Variants in DICER1 observed in about 807,000 individuals in gnomAD.
The protein encoded by DICER1 is dicer 1, ribonuclease III.
DICER1 carries 43 observed loss-of-function variants against 194.1 expected under a neutral mutation model. That is an observed-to-expected ratio of 0.22 (90% CI 0.17 to 0.29). DICER1 has a LOEUF of 0.29. Among genes scored for constraint, DICER1 ranks in the 10% least tolerant of loss-of-function variants. The pLI is 1.00. For missense variants in DICER1, 1,608 were observed against 2,317.0 expected, an observed-to-expected ratio of 0.69 and a Z score of 6.28; for synonymous variants, 832 against 820.5, an observed-to-expected ratio of 1.01 and a Z score of -0.24.
intron 3 of DICER1, among the ~76,000 whole-genome samples, chr14:95,131,937 A>G (rs1471603569): frequency 1.3e-5 from 2 of 152,204 alleles, no homozygotes; most frequent in African/African-American, 4.8e-5. Context: ...AATCAGATGG[A>G]AACAAGACAG....
chr14:95,117,802 T>G (rs1053991546), intron 8 of DICER1, 48 bp from the exon 9 acceptor site: 2 of 1,593,340 alleles, frequency 1.3e-6, no homozygotes, highest in Non-Finnish European at 1.7e-6. Context: ...TGAAAGAAAA[T>G]AAACTTTTGT....
At chr14:95,094,936 AC>A (rs1238979393) in intron 23 of DICER1, among the ~76,000 whole-genome samples, 1 of 152,208 alleles carries the variant, frequency 6.6e-6, no homozygotes, top group African/African-American at 2.4e-5. Flanking sequence ...CTAGGCGAGA[AC>A]CCAGGTCTCG....
At chr14:95,110,666 TTGGGG>T (rs1891877739) in intron 14 of DICER1, among the ~76,000 whole-genome samples, 1 of 152,190 alleles carries the variant, frequency 6.6e-6, no homozygotes, top group Non-Finnish European at 1.5e-5. Context: ...CTGCTTTTGC[TTGGGG>T]TTCTTATGAG....
At chr14:95,131,799 T>A (rs935101849) in intron 3 of DICER1, among the ~76,000 whole-genome samples, 160 bp from the exon 4 acceptor site, 2 of 152,188 alleles carry the variant, frequency 1.3e-5, no homozygotes, top group Admixed American at 1.3e-4. Context: ...TCCAAGGTTA[T>A]CCTCCAAAAA....
At chr14:95,098,649 G>A (rs1266990659) in intron 22 of DICER1, among the ~76,000 whole-genome samples, 1 of 152,142 alleles carries the variant, frequency 6.6e-6, no homozygotes, top group Non-Finnish European at 1.5e-5. Flanking sequence ...AAAGGAGGAT[G>A]ACTGTTACTG....
chr14:95,099,576 A>G (rs1890669788), intron 22 of DICER1, among the ~76,000 whole-genome samples: 1 of 152,214 alleles, frequency 6.6e-6, no homozygotes, highest in Non-Finnish European at 1.5e-5. Flanking sequence ...CATCAAAATT[A>G]TAATACTATT....
At position 95,126,621 on chromosome 14, in the gene DICER1, C is replaced by T. The variant is rs1555375302; in HGVS notation, c.862G>A (p.Val288Ile). 2.6e-6 allele frequency: 4 copies of T among 1,555,674 alleles called. No homozygotes were observed. The highest frequency in any genetic ancestry group is 3.5e-6 in the Non-Finnish European group (4 of 1,127,182). Residue 288 changes from valine to isoleucine, a missense_variant, in exon 7 of 27, where the codon GTA (valine) becomes ATA (isoleucine). This residue lies in a region of DICER1 where 657 missense variants were observed against 910.1 expected (regional missense o/e 0.72). Transcript: ENST00000343455. ...GTAGAATCTCTTTCTTTTGAATGTA[C>T]AGATATATTACAATCATTGATAAAA... ...LNFINDCNIS[V>I]HSKERDSTLI...
At chr14:95,122,263 T>C (rs190413249) in intron 8 of DICER1, among the ~76,000 whole-genome samples, 63 of 152,266 alleles carry the variant, frequency 4.1e-4, no homozygotes, top group Admixed American at 6.5e-4. Context: ...TGGCACATCT[T>C]TACCTAAAAA....
intron 21 of DICER1, among the ~76,000 whole-genome samples, chr14:95,100,432 A>G (rs746582655): frequency 1.4e-4 from 21 of 152,268 alleles, no homozygotes; most frequent in Non-Finnish European, 2.5e-4. Flanking sequence ...TTATATTCCT[A>G]GAATCGAAGC....
At chr14:95,123,987 A>G (rs1390478393) in intron 8 of DICER1, among the ~76,000 whole-genome samples, 1 of 152,174 alleles carries the variant, frequency 6.6e-6, no homozygotes, top group African/African-American at 2.4e-5. Flanking sequence ...ATCCTTTAAG[A>G]AAAAAATATC....
At chr14:95,104,147 C>T in intron 20 of DICER1, 21 bp from the exon 21 acceptor site, 3 of 1,596,380 alleles carry the variant, frequency 1.9e-6, no homozygotes, top group Non-Finnish European at 2.6e-6. Flanking sequence ...ATTTTTATAA[C>T]TTTACATCAG....
At chr14:95,149,123 G>A (rs760737249) in intron 1 of DICER1, among the ~76,000 whole-genome samples, 22 of 152,076 alleles carry the variant, frequency 1.4e-4, no homozygotes, top group Admixed American at 1.0e-3. Flanking sequence ...TTCAATTCAC[G>A]ACTACCCTCT....
At chr14:95,097,880 A>G (rs972608535) in intron 22 of DICER1, among the ~76,000 whole-genome samples, 1 of 152,216 alleles carries the variant, frequency 6.6e-6, no homozygotes, top group Non-Finnish European at 1.5e-5. Context: ...AAGAATAAGG[A>G]ACACCAAAAG....
intron 14 of DICER1, among the ~76,000 whole-genome samples, chr14:95,110,695 C>T (rs2140060059): frequency 6.6e-6 from 1 of 152,152 alleles, no homozygotes; most frequent in South Asian, 2.1e-4. Context: ...AAAATATTAA[C>T]AAATATTTTA....
Position 95,124,665 on chromosome 14 carries a change from G to A in DICER1, c.907C>T (p.Leu303=), listed in dbSNP as rs1060504957. The A allele has an allele frequency of 6.2e-7, 1 of 1,610,460 alleles. No individual in the cohort carries two copies. The highest frequency in any genetic ancestry group is 8.5e-7 in the Non-Finnish European group (1 of 1,177,496). Residue 303 remains leucine (L), a synonymous_variant, in exon 8 of 27, where the codon CTA becomes TTA. Transcript: ENST00000343455. This position sits in a 1 kb window ranked among gnomAD's most constrained non-coding sequence, Gnocchi z 4.5. ...ACCAATACGGCACGACAGTCTGATA[G>A]TATCTACAAAAAAAAGAAAAGAAAA... ...RDSTLISKQI[L]SDCRAVLVVL... is the part of the protein sequence containing the mutation.
chr14:95,151,373 T>C (rs947495989), intron 1 of DICER1, among the ~76,000 whole-genome samples: 4 of 152,258 alleles, frequency 2.6e-5, no homozygotes, highest in Non-Finnish European at 5.9e-5. Flanking sequence ...GCTCACAATA[T>C]AATCTAATCA....
chr14:95,144,225 T>C (rs1894989106), intron 1 of DICER1, among the ~76,000 whole-genome samples: 1 of 152,146 alleles, frequency 6.6e-6, no homozygotes, highest in African/African-American at 2.4e-5. Flanking sequence ...TTCAGTGACA[T>C]CTATACACTG....
chr14:95,094,180 G>C (rs147293630), intron 23 of DICER1, 24 bp from the exon 24 acceptor site: 2 of 1,613,490 alleles, frequency 1.2e-6, no homozygotes, highest in African/African-American at 2.7e-5. Flanking sequence ...AAGTGGAACC[G>C]TAAGCTTGTG....
Position 95,157,281 on chromosome 14 carries a change from C to A in DICER1, c.-97G>T. The A allele has an allele frequency of 6.6e-6, 1 of 151,656 alleles. No homozygotes were observed. The highest frequency in any genetic ancestry group is 1.9e-4 in the South Asian group (1 of 5,168). 9.4% of individuals were successfully genotyped at this position (151,656 alleles called of 1,614,324 possible). A position where few individuals can be genotyped will look rare whatever the true frequency, so the allele number is the denominator to read the frequency against. ...CGAGAACCATCGGACCCCGCTCCGG[C>A]GCGCGCGTCACAGCCCAGGCCTCCC... On this transcript the variant is annotated 5_prime_UTR_variant, in exon 1 of 27. Transcript: ENST00000343455.
Sources: allele counts gnomAD v4.1 joint callset (sites outside exome capture counted in the v4.1 genomes callset), GRCh38; gene constraint gnomAD v4.1.1; regional missense constraint gnomAD v4.1.1; non-coding constraint Gnocchi (gnomAD v3.1); transcripts MANE v1.5; gene names NCBI Gene and HGNC (gene_info 2026-07-23, HGNC 2026-07-21).